Variants in RAD51B observed in about 807,000 individuals in gnomAD.
RAD51B encodes the protein RAD51 paralog B, also known as DNA repair protein RAD51 homolog 2.
RAD51B carries 38 observed loss-of-function variants against 42.2 expected under a neutral mutation model. That is an observed-to-expected ratio of 0.90 (90% CI 0.70 to 1.18). The LOEUF (loss-of-function observed/expected upper bound fraction) is 1.18. RAD51B is among the 50% of genes most tolerant of loss of function. RAD51B has a pLI of 0.00. For synonymous variants in RAD51B, 154 were observed against 145.2 expected (o/e 1.06, Z -0.43); for missense variants, 373 against 400.7 (o/e 0.93, Z 0.59).
intron 7 of RAD51B, among the ~76,000 whole-genome samples, chr14:67,974,689 G>A (rs1206015856): frequency 1.3e-5 from 2 of 151,926 alleles, no homozygotes; most frequent in African/African-American, 2.4e-5. Context: ...GTTAATGGTC[G>A]ACCCATAGAC....
Position 68,470,442 on chromosome 14 carries a change from C to T in RAD51B, c.1036+2192C>T, listed in dbSNP as rs2086093440. On this transcript the variant is annotated intron_variant, in intron 10 of 10. Coordinates refer to ENST00000471583, the MANE Select transcript of RAD51B (RefSeq NM_133510.4). ...AGGTCCCCAGAAAATGCAGGCCCCT[C>T]ATTTACTAGAAAGAACCTTTGGATT... 4.1e-5 allele frequency: 19 copies of T among 466,060 alleles called. 1 individual carries two copies. The highest frequency in any genetic ancestry group is 3.1e-4 in the South Asian group (19 of 61,542). The allele number at this position is 466,060 out of a possible 1,614,324, so 28.9% of individuals were successfully genotyped here.
intron 4 of RAD51B, among the ~76,000 whole-genome samples, chr14:67,845,698 G>A (rs189527778): frequency 4.6e-5 from 7 of 152,042 alleles, no homozygotes; most frequent in Admixed American, 6.5e-5. Context: ...ACACACACAC[G>A]AAATTCATGA....
intron 4 of RAD51B, among the ~76,000 whole-genome samples, chr14:67,856,507 A>T (rs2042004359): frequency 6.6e-6 from 1 of 152,166 alleles, no homozygotes; most frequent in African/African-American, 2.4e-5. Flanking sequence ...GGAGGTCATT[A>T]AAAAATATTT....
intron 10 of RAD51B, among the ~76,000 whole-genome samples, chr14:68,524,927 A>G (rs934883540): frequency 1.3e-5 from 2 of 152,250 alleles, no homozygotes; most frequent in African/African-American, 4.8e-5. Context: ...CACCCTTTCC[A>G]TCTGTGGCCT....
chr14:67,874,017 A>G (rs866191292), intron 5 of RAD51B, among the ~76,000 whole-genome samples: 63 of 151,938 alleles, frequency 4.1e-4, no homozygotes, highest in African/African-American at 1.4e-3. Flanking sequence ...GCAGCGCAGC[A>G]GCATGGCACA....
chr14:68,108,267 A>G (rs1313493997), intron 7 of RAD51B, among the ~76,000 whole-genome samples: 2 of 151,968 alleles, frequency 1.3e-5, no homozygotes, highest in East Asian at 3.8e-4. Context: ...TTCCACACCT[A>G]GGTATATACC....
chr14:68,584,972 C>G (rs774715602), intron 10 of RAD51B, among the ~76,000 whole-genome samples: 1 of 152,132 alleles, frequency 6.6e-6, no homozygotes, highest in Non-Finnish European at 1.5e-5. Flanking sequence ...TCAAATTACA[C>G]TCAACACTCT....
rs147090353 is a variant in RAD51B at position 67,960,694 on chromosome 14, G to T, written c.756+73490G>T. On this transcript the variant is annotated intron_variant, in intron 7 of 10. Transcript: ENST00000471583. ...TTTCTTTTTCTTTTTTTAGAGACAGGGTCTAGCTCTCTTGCTCAGGCTAGT... is the reference window on the plus strand; with the variant it reads ...TTTCTTTTTCTTTTTTTAGAGACAGTGTCTAGCTCTCTTGCTCAGGCTAGT... Among the ~76,000 whole-genome samples the T allele has an allele frequency of 5.9e-5, 9 of 152,138 alleles. No individual in the cohort carries two copies. In the East Asian group the frequency reaches 1.5e-3, roughly 26 times the overall value.
intron 4 of RAD51B, among the ~76,000 whole-genome samples, chr14:67,850,960 A>G (rs867856748): frequency 4.6e-5 from 7 of 151,990 alleles, no homozygotes; most frequent in South Asian, 2.1e-4. Flanking sequence ...CTAATTTTTG[A>G]CTCTCCAGGG....
At chr14:68,485,209 C>G (rs1883529620) in intron 10 of RAD51B, among the ~76,000 whole-genome samples, 3 of 152,174 alleles carry the variant, frequency 2.0e-5, no homozygotes. Context: ...ATACTCATTC[C>G]CTCTTGCTTC....
At chr14:68,101,910 T>A (rs1258793233) in intron 7 of RAD51B, among the ~76,000 whole-genome samples, 2 of 152,250 alleles carry the variant, frequency 1.3e-5, no homozygotes, top group East Asian at 3.8e-4. Context: ...ATTAGACTTC[T>A]GCCTGGACAT....
intron 7 of RAD51B, among the ~76,000 whole-genome samples, chr14:68,082,174 A>G (rs934233797): frequency 1.3e-5 from 2 of 151,946 alleles, no homozygotes; most frequent in African/African-American, 4.8e-5. Context: ...GTTAGCCAGG[A>G]TGGTCTCGAT....
intron 7 of RAD51B, among the ~76,000 whole-genome samples, chr14:67,934,458 C>T (rs1446519288): frequency 6.6e-6 from 1 of 151,860 alleles, no homozygotes; most frequent in Non-Finnish European, 1.5e-5. Context: ...TGTTGCTTAC[C>T]ATTGTTTCAT....
At chr14:68,473,618 T>A (rs888960091) in intron 10 of RAD51B, among the ~76,000 whole-genome samples, 28 of 152,094 alleles carry the variant, frequency 1.8e-4, no homozygotes, top group African/African-American at 3.9e-4. Flanking sequence ...TGAAAAAAAA[T>A]TTTAAATACA....
At chr14:68,065,610 AG>A (rs1387522141) in intron 7 of RAD51B, among the ~76,000 whole-genome samples, 6 of 152,082 alleles carry the variant, frequency 3.9e-5, no homozygotes, top group Admixed American at 3.9e-4. Context: ...GCAGGGAGCT[AG>A]CTGGCTGGTG....
At chr14:68,261,753 A>G (rs2080895149) in intron 7 of RAD51B, among the ~76,000 whole-genome samples, 1 of 151,156 alleles carries the variant, frequency 6.6e-6, no homozygotes, top group African/African-American at 2.4e-5. Context: ...ATCCCTGCTT[A>G]TCCCAAAGTG....
intron 7 of RAD51B, among the ~76,000 whole-genome samples, chr14:68,229,851 T>C (rs1012789398): frequency 1.1e-4 from 16 of 152,206 alleles, no homozygotes; most frequent in African/African-American, 3.9e-4. Flanking sequence ...GGATCAGAGC[T>C]GTGTCATAGA....
chr14:67,919,309 C>G (rs1376264134), intron 7 of RAD51B, among the ~76,000 whole-genome samples: 1 of 152,144 alleles, frequency 6.6e-6, no homozygotes, highest in Non-Finnish European at 1.5e-5. Flanking sequence ...GAAGGATTCT[C>G]GAGCTGAAGA....
chr14:68,421,929 A>G, intron 9 of RAD51B: 1 of 1,568,824 alleles, frequency 6.4e-7, no homozygotes, highest in South Asian at 1.1e-5. Context: ...ATGCTTTAGG[A>G]TGAAGTTCTC....
Sources: allele counts gnomAD v4.1 joint callset (sites outside exome capture counted in the v4.1 genomes callset), GRCh38; gene constraint gnomAD v4.1.1; transcripts MANE v1.5; gene names NCBI Gene and HGNC (gene_info 2026-07-23, HGNC 2026-07-21).